The following TWIST2 variants were observed in gnomAD, a reference collection of about 807,000 sequenced individuals.
The protein encoded by TWIST2 is twist-related protein 2.
Under a neutral mutation model 11.6 loss-of-function variants are expected in TWIST2, and 1 was observed. The ratio of observed to expected loss-of-function variants is 0.09; its 90% CI spans 0.03 to 0.41. The LOEUF is 0.41. Ranked by LOEUF, TWIST2 falls within the 10% of genes least tolerant of loss-of-function variation. The pLI is 0.98. For missense variants in TWIST2, 168 were observed against 226.4 expected (o/e 0.74, Z 1.66); for synonymous variants, 87 against 96.6 (o/e 0.90, Z 0.58).
intron 1 of TWIST2, among the ~76,000 whole-genome samples, chr2:238,906,199 C>T (rs979423326): frequency 5.3e-5 from 8 of 152,004 alleles, no homozygotes; most frequent in South Asian, 2.1e-4. Flanking sequence ...CACTGCTGTG[C>T]GACATCAGAC....
intron 1 of TWIST2, among the ~76,000 whole-genome samples, chr2:238,850,480 G>A (rs1184810777): frequency 3.3e-5 from 5 of 152,160 alleles, no homozygotes; most frequent in Non-Finnish European, 7.4e-5. Flanking sequence ...ACATTGAGCC[G>A]TGTTTAAGGA....
chr2:238,896,042 C>T (rs1358523618), intron 1 of TWIST2, among the ~76,000 whole-genome samples: 2 of 152,194 alleles, frequency 1.3e-5, no homozygotes, highest in Non-Finnish European at 2.9e-5. Flanking sequence ...CAATAGCCAC[C>T]GGGAGCCCCG....
intron 1 of TWIST2, among the ~76,000 whole-genome samples, chr2:238,871,397 ACCACACACCCCACACACACCACAACC>A (rs1692695858): frequency 1.7e-5 from 1 of 58,476 alleles, no homozygotes; most frequent in Admixed American, 1.8e-4. Context: ...CCATGCACAC[ACCACACACCCCACACACACCACAACC>A]CCACACGCCA....
intron 1 of TWIST2, among the ~76,000 whole-genome samples, chr2:238,850,991 A>G (rs935929908): frequency 2.0e-5 from 3 of 152,246 alleles, no homozygotes; most frequent in Non-Finnish European, 4.4e-5. Context: ...ATTATTCCCT[A>G]TAAGATCAAT....
intron 1 of TWIST2, among the ~76,000 whole-genome samples, chr2:238,884,643 C>T (rs939916784): frequency 5.9e-5 from 9 of 152,178 alleles, no homozygotes; most frequent in Non-Finnish European, 1.2e-4. Flanking sequence ...GCAGCAGAGG[C>T]GAGGCCCATG....
At chr2:238,885,312 TC>T in intron 1 of TWIST2, among the ~76,000 whole-genome samples, 2 of 152,202 alleles carry the variant, frequency 1.3e-5, no homozygotes, top group Admixed American at 6.5e-5. Context: ...GCCAAAGCCG[TC>T]ATGCTGCCCG....
At chr2:238,907,938 A>G (rs1281188910) in intron 1 of TWIST2, among the ~76,000 whole-genome samples, 9 of 147,426 alleles carry the variant, frequency 6.1e-5, no homozygotes, top group African/African-American at 2.3e-4. Flanking sequence ...ACACACAAAC[A>G]CACATCACAT....
intron 1 of TWIST2, among the ~76,000 whole-genome samples, chr2:238,860,017 T>C (rs1692403482): frequency 6.6e-6 from 1 of 152,048 alleles, no homozygotes; most frequent in Non-Finnish European, 1.5e-5. Context: ...ATATCTGTAG[T>C]GGGGGAGTCT....
intron 1 of TWIST2, among the ~76,000 whole-genome samples, chr2:238,855,479 T>C (rs531080893): frequency 5.5e-4 from 84 of 152,350 alleles, no homozygotes; most frequent in South Asian, 1.2e-3. Flanking sequence ...CCGCCTGGCT[T>C]TCCTCTCGTT....
intron 1 of TWIST2, among the ~76,000 whole-genome samples, chr2:238,890,799 C>T (rs982694206): frequency 1.3e-5 from 2 of 152,148 alleles, no homozygotes; most frequent in African/African-American, 4.8e-5. Context: ...TCTAAGCTCT[C>T]GCATCAAAGA....
At chr2:238,852,794 A>C (rs1464491578) in intron 1 of TWIST2, among the ~76,000 whole-genome samples, 1 of 152,206 alleles carries the variant, frequency 6.6e-6, no homozygotes, top group African/African-American at 2.4e-5. Flanking sequence ...CATCACTGGG[A>C]GAAGGGAGTG....
intron 1 of TWIST2, among the ~76,000 whole-genome samples, chr2:238,858,881 C>T (rs920546238): frequency 6.6e-6 from 1 of 152,154 alleles, no homozygotes; most frequent in Non-Finnish European, 1.5e-5. Flanking sequence ...ATCAGTAAAA[C>T]GTAGCCCATT....
chr2:238,871,679 CA>C (rs1376022612), intron 1 of TWIST2, among the ~76,000 whole-genome samples: 1 of 121,478 alleles, frequency 8.2e-6, no homozygotes, highest in Admixed American at 9.1e-5. Flanking sequence ...CACCCCCCCC[CA>C]ACACACACAC....
chr2:238,894,864 T>G (rs1248726173), intron 1 of TWIST2, among the ~76,000 whole-genome samples: 1 of 152,232 alleles, frequency 6.6e-6, no homozygotes, highest in Non-Finnish European at 1.5e-5. Context: ...GACCTTTTAA[T>G]CTCTGTATTA....
In TWIST2 at chr2:238,863,899, C is replaced by A. The variant is rs549403318; in HGVS notation, c.*35+15166C>A. 2.7e-4 allele frequency among the ~76,000 whole-genome samples: 41 copies of A among 152,248 alleles called. No individual in the cohort carries two copies. In the East Asian group the frequency reaches 4.8e-3, roughly 18 times the overall value. The stretch of plus-strand genomic sequence containing the variant: ...AGAGGTCGGCCGTAGAGTAGGTCTA[C>A]CCCCTATCCTGGGGGCATCCCTGTG... On this transcript the variant is annotated intron_variant, in intron 1 of 1. Transcript: ENST00000612363. The surrounding 1 kb of genome is among the most constrained non-coding windows in gnomAD (Gnocchi z 4.7).
chr2:238,890,418 G>C (rs551377961), intron 1 of TWIST2, among the ~76,000 whole-genome samples: 1 of 152,206 alleles, frequency 6.6e-6, no homozygotes, highest in African/African-American at 2.4e-5. Context: ...CTGAGAGCCC[G>C]TGATTGCACA....
intron 1 of TWIST2, among the ~76,000 whole-genome samples, chr2:238,849,342 G>A (rs965392856): frequency 6.6e-6 from 1 of 152,238 alleles, no homozygotes; most frequent in Non-Finnish European, 1.5e-5. Context: ...GTTTGCCTGG[G>A]GAGGACGGGA....
At chr2:238,888,855 T>C (rs1298657562) in intron 1 of TWIST2, among the ~76,000 whole-genome samples, 2 of 152,202 alleles carry the variant, frequency 1.3e-5, no homozygotes, top group South Asian at 2.1e-4. Flanking sequence ...TAAATGTGAA[T>C]ATTTGGAAAA....
chr2:238,880,211 A>ATTAGTGTTAGTGTTAGTATTTGTTAGTG (rs1559278268), intron 1 of TWIST2, among the ~76,000 whole-genome samples: 21 of 150,038 alleles, frequency 1.4e-4, no homozygotes, highest in African/African-American at 5.0e-4. Context: ...TACTGTTAGT[A>ATTAGTGTTAGTGTTAGTATTTGTTAGTG]TTAGTATTAG....
Sources: allele counts gnomAD v4.1 joint callset (sites outside exome capture counted in the v4.1 genomes callset), GRCh38; gene constraint gnomAD v4.1.1; non-coding constraint Gnocchi (gnomAD v3.1); transcripts MANE v1.5; gene names NCBI Gene and HGNC (gene_info 2026-07-23, HGNC 2026-07-21).